Variants in EHBP1 observed in about 807,000 individuals in gnomAD.
The protein encoded by EHBP1 is EH domain binding protein 1.
Under a neutral mutation model 144.0 loss-of-function variants are expected in EHBP1, and 55 were observed. That is an observed-to-expected ratio of 0.38 (90% CI 0.31 to 0.48). The LOEUF (loss-of-function observed/expected upper bound fraction) is 0.48, where lower values mean the gene tolerates loss of function less well. Ranked by LOEUF, EHBP1 falls within the 20% of genes least tolerant of loss-of-function variation. EHBP1 has a pLI of 0.98. For missense variants in EHBP1, 1,200 were observed against 1,364.2 expected (o/e 0.88, Z 1.90); for synonymous variants, 469 against 472.7 (o/e 0.99, Z 0.10).
rs769914493 is a variant in EHBP1 at position 63,045,439 on chromosome 2, G to A, written c.3422G>A (p.Arg1141Gln). ...QAEEEDEHLE[R>Q]TLEQNKGKMA... ...GAAGAAGAAGATGAGCATTTGGAGC[G>A]AACTCTGGAGCAAAACAAAGGCAAG... Residue 1141 changes from arginine to glutamine, a missense_variant, in exon 23 of 23, where the codon CGA (arginine) becomes CAA (glutamine). This residue lies in a region of EHBP1 where 149 missense variants were observed against 217.0 expected (regional missense o/e 0.69). Transcript: ENST00000431489. This position sits in a 1 kb window ranked among gnomAD's most constrained non-coding sequence, Gnocchi z 5.7. 8 of 1,614,040 alleles carry A rather than the reference G, an allele frequency of 5.0e-6. No homozygotes were observed. The highest frequency in any genetic ancestry group is 1.3e-5 in the African/African-American group (1 of 74,922).
intron 2 of EHBP1, among the ~76,000 whole-genome samples, chr2:62,742,698 C>G (rs1039212985): frequency 1.3e-5 from 2 of 152,164 alleles, no homozygotes. Flanking sequence ...AAATTTTGCT[C>G]AGATCTTAGG....
At chr2:62,806,185 T>C (rs1278788796) in intron 5 of EHBP1, among the ~76,000 whole-genome samples, 1 of 152,178 alleles carries the variant, frequency 6.6e-6, no homozygotes, top group Non-Finnish European at 1.5e-5. Context: ...GGTCTCACTA[T>C]GTTGCCCAAG....
chr2:63,026,419 A>G (rs1008757067), intron 19 of EHBP1, among the ~76,000 whole-genome samples: 2 of 151,994 alleles, frequency 1.3e-5, no homozygotes, highest in African/African-American at 4.8e-5. Flanking sequence ...GCATTTATTT[A>G]CCATGAGCCT....
At chr2:62,800,215 G>T (rs540232511) in intron 5 of EHBP1, among the ~76,000 whole-genome samples, 3 of 151,972 alleles carry the variant, frequency 2.0e-5, no homozygotes, top group Non-Finnish European at 2.9e-5. Flanking sequence ...ACCCTAAATG[G>T]TCCTCATGTA....
At chr2:62,941,583 T>A (rs1023159749) in intron 10 of EHBP1, among the ~76,000 whole-genome samples, 8 of 152,070 alleles carry the variant, frequency 5.3e-5, no homozygotes, top group Non-Finnish European at 1.0e-4. Context: ...CATAATTATG[T>A]GGGGTTGATG....
chr2:62,820,225 GA>G (rs372533264), intron 5 of EHBP1, among the ~76,000 whole-genome samples: 1,073 of 100,672 alleles, frequency 0.011, 7 homozygotes, highest in East Asian at 0.069. Flanking sequence ...AAAAAAAAAA[GA>G]AAAAAAAAAA....
chr2:62,696,150 C>T (rs1234976694), intron 1 of EHBP1, among the ~76,000 whole-genome samples: 1 of 133,366 alleles, frequency 7.5e-6, no homozygotes, highest in Non-Finnish European at 1.6e-5. Context: ...CTTTCTCTCT[C>T]TCTCTCTCTC....
At chr2:62,719,789 A>G (rs1414538604) in intron 2 of EHBP1, among the ~76,000 whole-genome samples, 1 of 152,354 alleles carries the variant, frequency 6.6e-6, no homozygotes, top group South Asian at 2.1e-4. Context: ...GAGGATGTCC[A>G]TAGGTTATAT....
At chr2:62,731,201 T>G (rs1391973344) in intron 2 of EHBP1, among the ~76,000 whole-genome samples, 1 of 151,764 alleles carries the variant, frequency 6.6e-6, no homozygotes, top group Non-Finnish European at 1.5e-5. Flanking sequence ...CCAATTCCAA[T>G]TGGTAAATTC....
intron 10 of EHBP1, chr2:62,881,909 A>G (rs1356629972): frequency 6.6e-6 from 1 of 152,200 alleles, no homozygotes. Context: ...TAAAAATGAG[A>G]TTAACTTGAT....
At chr2:62,786,223 A>G (rs756442450) in intron 5 of EHBP1, among the ~76,000 whole-genome samples, 11 of 152,146 alleles carry the variant, frequency 7.2e-5, no homozygotes, top group Non-Finnish European at 1.6e-4. Flanking sequence ...GGAGCCCATG[A>G]GATGGACCCT....
chr2:62,947,943 T>C (rs1480522710), intron 12 of EHBP1, among the ~76,000 whole-genome samples: 1 of 152,196 alleles, frequency 6.6e-6, no homozygotes, highest in Non-Finnish European at 1.5e-5. Context: ...TAAAGCTCAA[T>C]ATGGATTAGT....
At chr2:63,041,986 A>T (rs2061677972) in intron 21 of EHBP1, among the ~76,000 whole-genome samples, 1 of 152,190 alleles carries the variant, frequency 6.6e-6, no homozygotes, top group Non-Finnish European at 1.5e-5. Flanking sequence ...CCTATATATA[A>T]AAAAGAGTTT....
intron 7 of EHBP1, among the ~76,000 whole-genome samples, chr2:62,841,076 A>G (rs1270568024): frequency 1.3e-5 from 2 of 152,124 alleles, no homozygotes; most frequent in Non-Finnish European, 2.9e-5. Context: ...AATAGCAAAG[A>G]CTTGGAACCA....
chr2:63,025,873 G>A (rs1292775002), intron 19 of EHBP1, among the ~76,000 whole-genome samples: 1 of 152,142 alleles, frequency 6.6e-6, no homozygotes, highest in Non-Finnish European at 1.5e-5. Context: ...ATTAGCACAA[G>A]GATTTTGGAA....
intron 10 of EHBP1, among the ~76,000 whole-genome samples, chr2:62,906,868 A>G (rs2053850128): frequency 6.6e-6 from 1 of 152,254 alleles, no homozygotes; most frequent in African/African-American, 2.4e-5. Context: ...AGGAATTTAT[A>G]CTTCAAGAAT....
At chr2:62,939,056 G>C (rs931646500) in intron 10 of EHBP1, among the ~76,000 whole-genome samples, 1 of 152,144 alleles carries the variant, frequency 6.6e-6, no homozygotes, top group African/African-American at 2.4e-5. Flanking sequence ...ACCAGGCACT[G>C]TTCTGGGCAT....
intron 2 of EHBP1, among the ~76,000 whole-genome samples, chr2:62,732,521 C>A (rs917364712): frequency 5.3e-5 from 8 of 152,100 alleles, no homozygotes; most frequent in Non-Finnish European, 8.8e-5. Flanking sequence ...GTGCTGTTCT[C>A]GTGATAAGAG....
upstream of EHBP1, among the ~76,000 whole-genome samples, chr2:62,703,454 GGTT>G (rs772438802): frequency 7.2e-5 from 11 of 152,284 alleles, no homozygotes; most frequent in Admixed American, 1.3e-4. Context: ...TTAGTATACA[GGTT>G]GTTTTTTAAA....
Sources: gnomAD v4.1 joint callset for allele counts (sites outside exome capture counted in the v4.1 genomes callset) on GRCh38, gnomAD v4.1.1 for gene constraint, gnomAD v4.1.1 regional missense constraint, Gnocchi (gnomAD v3.1) non-coding constraint, MANE v1.5 for transcripts, NCBI Gene and HGNC (gene_info 2026-07-23, HGNC 2026-07-21) for gene names.